Variants in DLG2 observed in about 807,000 individuals in gnomAD.
DLG2 encodes the protein discs large MAGUK scaffold protein 2.
In DLG2, 45 loss-of-function variants were observed where a neutral mutation model predicts 132.5. That is an observed-to-expected ratio of 0.34 (90% CI 0.27 to 0.44). The LOEUF (loss-of-function observed/expected upper bound fraction) is 0.44, where lower values mean the gene tolerates loss of function less well. Among genes scored for constraint, DLG2 ranks in the 20% least tolerant of loss-of-function variants. The pLI, the probability that DLG2 is intolerant of heterozygous loss-of-function variation, is 1.00. For synonymous variants in DLG2, 424 were observed against 419.6 expected, an observed-to-expected ratio of 1.01 and a Z score of -0.13; for missense variants, 1,045 against 1,196.9, an observed-to-expected ratio of 0.87 and a Z score of 1.87.
chr11:85,458,887 G>A lies in DLG2; in HGVS notation c.40+139770C>T, dbSNP rs546780064. The stretch of plus-strand genomic sequence containing the variant: ...TGCAAATCTTGGCTTGGGACTCTTG[G>A]GCAGAAGGGGAAGGGATCTTAGCAG... On this transcript the variant is annotated intron_variant, in intron 3 of 27. Coordinates refer to ENST00000376104, the MANE Select transcript of DLG2 (RefSeq NM_001142699.3). 6.6e-5 allele frequency among the ~76,000 whole-genome samples: 10 copies of A among 152,258 alleles called. No individual in the cohort carries two copies. In the South Asian group the frequency reaches 2.1e-3, roughly 32 times the overall value.
chr11:83,988,983 T>C (rs1386152789), intron 11 of DLG2, among the ~76,000 whole-genome samples: 1 of 152,082 alleles, frequency 6.6e-6, no homozygotes, highest in Non-Finnish European at 1.5e-5. Flanking sequence ...GTCTATTTTG[T>C]ACTATGCAAG....
At chr11:84,416,241 G>A (rs1451501237) in intron 7 of DLG2, among the ~76,000 whole-genome samples, 1 of 152,160 alleles carries the variant, frequency 6.6e-6, no homozygotes, top group Non-Finnish European at 1.5e-5. Context: ...AACTTAGAGA[G>A]AGAGAAAGAG....
intron 3 of DLG2, among the ~76,000 whole-genome samples, chr11:85,309,461 A>G (rs2080177796): frequency 6.6e-6 from 1 of 152,016 alleles, no homozygotes; most frequent in African/African-American, 2.4e-5. Flanking sequence ...TGAAGTCAAT[A>G]AAAAGTCATT....
intron 9 of DLG2, among the ~76,000 whole-genome samples, chr11:84,145,529 G>A (rs1313281812): frequency 6.6e-6 from 1 of 152,150 alleles, no homozygotes; most frequent in Non-Finnish European, 1.5e-5. Flanking sequence ...GTTTGTCATT[G>A]ATCAAAATGT....
At chr11:84,037,660 T>C (rs1289336245) in intron 11 of DLG2, among the ~76,000 whole-genome samples, 2 of 152,108 alleles carry the variant, frequency 1.3e-5, no homozygotes, top group Non-Finnish European at 2.9e-5. Context: ...TCCTGGCTTA[T>C]GGTGGTAGAT....
At chr11:83,636,499 T>A (rs1397284318) in intron 18 of DLG2, among the ~76,000 whole-genome samples, 2 of 152,188 alleles carry the variant, frequency 1.3e-5, no homozygotes, top group Non-Finnish European at 2.9e-5. Context: ...TGCTACTTTT[T>A]TCAAAACTAA....
intron 6 of DLG2, among the ~76,000 whole-genome samples, chr11:84,681,703 G>C (rs182129959): frequency 2.6e-4 from 39 of 152,040 alleles, no homozygotes; most frequent in Admixed American, 7.2e-4. Context: ...CCATTTCACT[G>C]TCTTGAACTC....
intron 3 of DLG2, among the ~76,000 whole-genome samples, chr11:85,341,278 C>T (rs1400889964): frequency 6.6e-6 from 1 of 152,138 alleles, no homozygotes; most frequent in African/African-American, 2.4e-5. Flanking sequence ...GCCAACATGC[C>T]TGGCTAATTT....
chr11:83,710,973 C>G (rs963684524), intron 18 of DLG2, among the ~76,000 whole-genome samples: 22 of 152,162 alleles, frequency 1.4e-4, no homozygotes, highest in African/African-American at 5.3e-4. Context: ...AAACTCTTAA[C>G]ATGGACTGTC....
chr11:83,764,232 G>A (rs142609982), intron 18 of DLG2, among the ~76,000 whole-genome samples: 42 of 152,276 alleles, frequency 2.8e-4, no homozygotes, highest in East Asian at 1.9e-3. Context: ...AGAAAATCAC[G>A]GTGGGAGTGA....
intron 4 of DLG2, among the ~76,000 whole-genome samples, chr11:85,199,653 C>T (rs2081305958): frequency 6.6e-6 from 1 of 152,120 alleles, no homozygotes. Context: ...GGCTAGTTGA[C>T]CTCTCTTTGG....
chr11:83,602,249 T>C (rs1161573316), intron 19 of DLG2, among the ~76,000 whole-genome samples: 6 of 152,228 alleles, frequency 3.9e-5, no homozygotes, highest in Non-Finnish European at 7.3e-5. Flanking sequence ...AGTATGAAAA[T>C]TGGGTCCTTA....
At chr11:83,689,979 A>G in intron 18 of DLG2, among the ~76,000 whole-genome samples, 1 of 141,196 alleles carries the variant, frequency 7.1e-6, no homozygotes, top group Non-Finnish European at 1.5e-5. Flanking sequence ...TTTATATTAT[A>G]ATATATTTAT....
At chr11:84,043,584 G>GTGATATATT (rs2096157595) in intron 11 of DLG2, among the ~76,000 whole-genome samples, 1 of 151,668 alleles carries the variant, frequency 6.6e-6, no homozygotes, top group Non-Finnish European at 1.5e-5. Context: ...CTCTGAAAAA[G>GTGATATATT]TGATATATTT....
At chr11:84,596,884 C>A (rs562512061) in intron 6 of DLG2, among the ~76,000 whole-genome samples, 2 of 152,268 alleles carry the variant, frequency 1.3e-5, no homozygotes, top group East Asian at 3.9e-4. Context: ...ATGCATCAGG[C>A]ACTATGCTAG....
intron 9 of DLG2, among the ~76,000 whole-genome samples, chr11:84,128,746 T>C (rs571425863): frequency 2.0e-5 from 3 of 152,206 alleles, no homozygotes; most frequent in Non-Finnish European, 2.9e-5. Flanking sequence ...ATACACTTCA[T>C]TGATATAATC....
intron 6 of DLG2, among the ~76,000 whole-genome samples, chr11:84,602,622 C>G (rs1024603643): frequency 3.9e-5 from 6 of 151,924 alleles, no homozygotes; most frequent in Admixed American, 3.3e-4. Flanking sequence ...CCTATTATCA[C>G]CAAAAAGCAA....
intron 6 of DLG2, among the ~76,000 whole-genome samples, chr11:84,783,486 T>C (rs750961449): frequency 3.3e-5 from 5 of 152,330 alleles, no homozygotes; most frequent in East Asian, 1.9e-4. Context: ...GTTCAACTTA[T>C]GTACTTGCTC....
intron 6 of DLG2, among the ~76,000 whole-genome samples, chr11:84,696,764 T>C (rs2058660486): frequency 1.3e-5 from 2 of 151,404 alleles, no homozygotes; most frequent in Non-Finnish European, 3.0e-5. Flanking sequence ...AGGATACATA[T>C]GGAGGAAGAA....
Sources: gnomAD v4.1 joint callset for allele counts (sites outside exome capture counted in the v4.1 genomes callset) on GRCh38, gnomAD v4.1.1 for gene constraint, MANE v1.5 for transcripts, NCBI Gene and HGNC (gene_info 2026-07-23, HGNC 2026-07-21) for gene names.